The following SLFN12 variants were observed in gnomAD, a reference collection of about 807,000 sequenced individuals.
The protein encoded by SLFN12 is ribonuclease SLFN12.
A neutral mutation model predicts 29.1 loss-of-function variants in SLFN12; 25 were observed. That is an observed-to-expected ratio of 0.86 (90% confidence interval 0.63 to 1.20). The LOEUF is 1.20. Among genes scored for constraint, SLFN12 ranks in the 50% most tolerant of loss-of-function variants. The pLI is 0.00. For synonymous variants in SLFN12, 257 were observed against 238.7 expected (o/e 1.08, Z -0.71); for missense variants, 660 against 666.2 (o/e 0.99, Z 0.10).
chr17:35,418,471 C>T (rs916347852), intron 3 of SLFN12, among the ~76,000 whole-genome samples: 58 of 152,060 alleles, frequency 3.8e-4, no homozygotes, highest in African/African-American at 1.3e-3. Flanking sequence ...AATATATTTC[C>T]TCTTCCTTAT....
chr17:35,415,098 A>G (rs927012992), intron 3 of SLFN12, among the ~76,000 whole-genome samples: 2 of 152,134 alleles, frequency 1.3e-5, no homozygotes, highest in Admixed American at 6.5e-5. Flanking sequence ...GCATCACATT[A>G]CCTGACTTCA....
intron 3 of SLFN12, among the ~76,000 whole-genome samples, chr17:35,413,725 G>A (rs1272261232): frequency 6.7e-6 from 1 of 149,212 alleles, no homozygotes; most frequent in South Asian, 2.1e-4. Flanking sequence ...CTCCAACCTG[G>A]GTAACAAGAG....
At position 35,422,816 on chromosome 17, in the gene SLFN12, T is replaced by G. The variant is rs1282439989; in HGVS notation, c.213A>C (p.Thr71=). ...AEIENEDYSY[T]KDGIGLDLEN... ...CCAAATCTAGTCCTATTCCATCTTT[T>G]GTATAACTATAGTCTTCATTCTCAA... Residue 71 remains threonine (T), a synonymous_variant, in exon 2 of 4, where the codon ACA becomes ACC. Transcript: ENST00000304905. The G allele has an allele frequency of 1.2e-6, 2 of 1,613,656 alleles. No individual in the cohort carries two copies. The highest frequency in any genetic ancestry group is 1.7e-6 in the Non-Finnish European group (2 of 1,179,804).
At chr17:35,419,562 A>T (rs1011996464) in intron 3 of SLFN12, among the ~76,000 whole-genome samples, 1 of 152,140 alleles carries the variant, frequency 6.6e-6, no homozygotes, top group African/African-American at 2.4e-5. Context: ...CATCACAAAG[A>T]CATACCATTT....
chr17:35,413,016 G>A (rs1347216527), intron 3 of SLFN12, among the ~76,000 whole-genome samples: 2 of 150,756 alleles, frequency 1.3e-5, no homozygotes, highest in East Asian at 3.9e-4. Flanking sequence ...CAGAAAACAG[G>A]ACTAGTCAAT....
In SLFN12 at chr17:35,411,876, A is replaced by T. The variant is rs753414641; in HGVS notation, c.1199T>A (p.Phe400Tyr). 1.2e-6 allele frequency: 2 copies of T among 1,613,356 alleles called. No homozygotes were observed. The highest frequency in any genetic ancestry group is 4.5e-5 in the East Asian group (2 of 44,894). The part of the protein sequence containing the change: ...YTPENLCRKL[F>Y]LQHEGLKQLI... Reference sequence around the variant, plus strand: ...TTGCTTAAGTCCTTCATGTTGTAAGAACAGTTTTCTGCAAAGGTTTTCTGG... The same window carrying T: ...TTGCTTAAGTCCTTCATGTTGTAAGTACAGTTTTCTGCAAAGGTTTTCTGG... The change falls in exon 4 of 4, where the codon TTC (phenylalanine) becomes TAC (tyrosine). Residue 400 changes from phenylalanine (F) to tyrosine (Y), a missense_variant. Phe to Tyr is a conservative substitution (Grantham distance 22). Coordinates refer to ENST00000304905, the MANE Select transcript of SLFN12 (RefSeq NM_018042.5).
chr17:35,422,206 G>T lies in SLFN12; in HGVS notation c.823C>A (p.His275Asn), dbSNP rs1477392722. 6.2e-7 allele frequency: 1 copy of T among 1,614,116 alleles called. No individual in the cohort carries two copies. The highest frequency in any genetic ancestry group is 1.7e-5 in the Admixed American group (1 of 60,024). The stretch of plus-strand genomic sequence containing the variant: ...ATCTTCTTCTTCTCCATACAGAAGT[G>T]ATGCACAGGCATCTTCCTAATGGAC... ...EKSIRKMPVHHFCMEKKKINY... is the reference protein window; with the variant it reads ...EKSIRKMPVHNFCMEKKKINY... The change falls in exon 2 of 4, where the codon CAC (histidine) becomes AAC (asparagine). Residue 275 changes from histidine (H) to asparagine (N), a missense_variant. By Grantham distance (68) the His-to-Asn change is moderately conservative. Coordinates refer to ENST00000304905, the MANE Select transcript of SLFN12 (RefSeq NM_018042.5).
At chr17:35,418,102 A>G (rs902331505) in intron 3 of SLFN12, among the ~76,000 whole-genome samples, 3 of 152,176 alleles carry the variant, frequency 2.0e-5, no homozygotes, top group Admixed American at 6.5e-5. Flanking sequence ...GCATTTAAGC[A>G]GATTCTAAAG....
chr17:35,423,003 G>A lies in SLFN12; in HGVS notation c.26C>T (p.Thr9Met), dbSNP rs143225670. MNISVDLE[T>M]NYAELVLDVG... ...ATCTAGAACCAACTCGGCATAATTC[G>A]TTTCCAAATCAACACTGATGTTCAT... is the stretch of plus-strand genomic sequence containing the variant. Residue 9 changes from threonine (T) to methionine (M), a missense_variant, in exon 2 of 4, where the codon ACG becomes ATG. By Grantham distance (81) the Thr-to-Met change is moderately conservative. Coordinates refer to ENST00000304905, the MANE Select transcript of SLFN12 (RefSeq NM_018042.5). The A allele has an allele frequency of 2.4e-5, 38 of 1,611,484 alleles. No individual in the cohort carries two copies. The highest frequency in any genetic ancestry group is 1.5e-4 in the African/African-American group (11 of 74,758).
At position 35,411,222 on chromosome 17, in the gene SLFN12, C is replaced by A; in HGVS notation, c.*116G>T. ...TGAAAATAGACAAAACCCAATTATC[C>A]AACATCACATTAAGTTGCTTAACTT... On this transcript the variant is annotated 3_prime_UTR_variant, in exon 4 of 4. Transcript: ENST00000304905. 2 of 715,924 alleles carry A rather than the reference C, an allele frequency of 2.8e-6. No individual in the cohort carries two copies. The highest frequency in any genetic ancestry group is 1.8e-5 in the African/African-American group (1 of 55,962). 44.3% of individuals were successfully genotyped at this position (715,924 alleles called of 1,614,324 possible). A position where few individuals can be genotyped will look rare whatever the true frequency, so the allele number is the denominator to read the frequency against.
At chr17:35,428,276 T>C (rs1912120420) in intron 1 of SLFN12, among the ~76,000 whole-genome samples, 1 of 152,144 alleles carries the variant, frequency 6.6e-6, no homozygotes, top group Non-Finnish European at 1.5e-5. Flanking sequence ...CTAGCAAATT[T>C]ATCTTAGTGG....
At chr17:35,426,829 C>T (rs1021779952) in intron 1 of SLFN12, among the ~76,000 whole-genome samples, 8 of 152,098 alleles carry the variant, frequency 5.3e-5, no homozygotes, top group African/African-American at 9.7e-5. Flanking sequence ...CTGGATTGAG[C>T]GGGGCTTTCT....
At position 35,432,394 on chromosome 17, in the gene SLFN12, G is replaced by C. The variant is rs7219364; in HGVS notation, c.-247C>G. The C allele has an allele frequency of 0.14, 20,630 of 152,192 alleles. 2,162 individuals are homozygous for C. The highest frequency in any genetic ancestry group is 0.27 in the African/African-American group (11,409 of 41,504). 9.4% of individuals were successfully genotyped at this position (152,192 alleles called of 1,614,324 possible). On this transcript the variant is annotated 5_prime_UTR_variant, in exon 1 of 4. Coordinates refer to ENST00000304905, the MANE Select transcript of SLFN12 (RefSeq NM_018042.5). ...AAGAGCCCGGTTTCAGAATTTTCTG[G>C]GGTTTAAGTACCCTCTAAAGTTTTC... is the stretch of plus-strand genomic sequence containing the variant.
At position 35,411,193 on chromosome 17, in the gene SLFN12, G is replaced by A; in HGVS notation, c.*145C>T. ...AATATCTGTGAAGATTATTTAGGGA[G>A]AAGTGAAAATAGACAAAACCCAATT... On this transcript the variant is annotated 3_prime_UTR_variant, in exon 4 of 4. Coordinates refer to ENST00000304905, the MANE Select transcript of SLFN12 (RefSeq NM_018042.5). 3.4e-6 allele frequency: 2 copies of A among 583,316 alleles called. No individual in the cohort carries two copies. Among genetic ancestry groups the A allele is most frequent in the South Asian group, 4.9e-5 (2 of 40,592 alleles). 36.1% of individuals were successfully genotyped at this position (583,316 alleles called of 1,614,324 possible).
chr17:35,423,045 C>A lies in SLFN12; in HGVS notation c.-17G>T. The A allele has an allele frequency of 1.3e-6, 2 of 1,589,652 alleles. No individual in the cohort carries two copies. Among genetic ancestry groups the A allele is most frequent in the African/African-American group, 2.7e-5 (2 of 74,358 alleles). ...GATGTTCATTTTCCCAGCAGCTATGCAGTGTCCAAGCAGAAATTCTTTTCT... is the reference window on the plus strand; with the variant it reads ...GATGTTCATTTTCCCAGCAGCTATGAAGTGTCCAAGCAGAAATTCTTTTCT... On this transcript the variant is annotated 5_prime_UTR_variant, in exon 2 of 4. Coordinates refer to ENST00000304905, the MANE Select transcript of SLFN12 (RefSeq NM_018042.5).
In SLFN12 at chr17:35,432,228, G is replaced by A. The variant is rs1412748744; in HGVS notation, c.-81C>T. ...CCAAAATATGTTACCAGTGAAGAGTGTCCAGGTTCTTGGCGTGTTGAACAA... is the reference window on the plus strand; with the variant it reads ...CCAAAATATGTTACCAGTGAAGAGTATCCAGGTTCTTGGCGTGTTGAACAA... On this transcript the variant is annotated 5_prime_UTR_variant, in exon 1 of 4. Coordinates refer to ENST00000304905, the MANE Select transcript of SLFN12 (RefSeq NM_018042.5). 1 of 152,206 alleles carries A rather than the reference G, an allele frequency of 6.6e-6. No homozygotes were observed. The highest frequency in any genetic ancestry group is 1.5e-5 in the Non-Finnish European group (1 of 68,030). 9.4% of individuals were successfully genotyped at this position (152,206 alleles called of 1,614,324 possible).
At chr17:35,420,459 A>G in intron 2 of SLFN12, 78 bp from the exon 3 acceptor site, 1 of 851,068 alleles carries the variant, frequency 1.2e-6, no homozygotes, top group East Asian at 2.8e-5. Flanking sequence ...TTATATATTA[A>G]AAGTCTACTT....
chr17:35,428,898 C>A (rs1912154907), intron 1 of SLFN12, among the ~76,000 whole-genome samples: 1 of 152,040 alleles, frequency 6.6e-6, no homozygotes, highest in Admixed American at 6.5e-5. Flanking sequence ...CATGAGGCTG[C>A]CCCAAAGGCA....
intron 3 of SLFN12, among the ~76,000 whole-genome samples, chr17:35,413,724 G>T (rs1911164165): frequency 6.7e-6 from 1 of 149,360 alleles, no homozygotes; most frequent in African/African-American, 2.5e-5. Context: ...ACTCCAACCT[G>T]GGTAACAAGA....
Sources: allele counts gnomAD v4.1 joint callset (sites outside exome capture counted in the v4.1 genomes callset), GRCh38; gene constraint gnomAD v4.1.1; transcripts MANE v1.5; gene names NCBI Gene and HGNC (gene_info 2026-07-23, HGNC 2026-07-21).